FRMD5: variants seen among roughly 807,000 people sequenced by gnomAD.
The protein encoded by FRMD5 is FERM domain containing 5, also known as FERM domain-containing protein 5.
A neutral mutation model predicts 69.0 loss-of-function variants in FRMD5; 20 were observed. The observed-to-expected ratio is 0.29, with a 90% CI of 0.20 to 0.42. The LOEUF (loss-of-function observed/expected upper bound fraction) is 0.42. Among genes scored for constraint, FRMD5 ranks in the 10% least tolerant of loss-of-function variants. The pLI, the probability that FRMD5 is intolerant of heterozygous loss-of-function variation, is 1.00. For synonymous variants in FRMD5, 271 were observed against 260.1 expected (o/e 1.04, Z -0.40); for missense variants, 595 against 708.6 (o/e 0.84, Z 1.82).
At chr15:44,188,644 C>T (rs553112811) in intron 1 of FRMD5, among the ~76,000 whole-genome samples, 1 of 152,310 alleles carries the variant, frequency 6.6e-6, no homozygotes, top group East Asian at 1.9e-4. Context: ...TTGAGAACCA[C>T]TGCTTTATCC....
Position 43,872,873 on chromosome 15 carries a change from G to A in FRMD5, c.*1012C>T, listed in dbSNP as rs942110447. 2.0e-5 allele frequency: 6 copies of A among 307,428 alleles called. No individual in the cohort carries two copies. Among genetic ancestry groups the A allele is most frequent in the Middle Eastern group, 8.7e-4 (1 of 1,146 alleles). The allele number at this position is 307,428 out of a possible 1,614,324, so 19.0% of individuals were successfully genotyped here. ...TGAATTGTTAAGAAAATAACATTTCGTTGTTAAAATATAAATTGAAATAGT... is the reference window on the plus strand; with the variant it reads ...TGAATTGTTAAGAAAATAACATTTCATTGTTAAAATATAAATTGAAATAGT... On this transcript the variant is annotated 3_prime_UTR_variant, in exon 14 of 14. Transcript: ENST00000417257.
At chr15:44,015,007 C>T (rs1395074599) in intron 1 of FRMD5, among the ~76,000 whole-genome samples, 14 of 152,086 alleles carry the variant, frequency 9.2e-5, no homozygotes, top group Non-Finnish European at 1.3e-4. Context: ...GTACTATCTT[C>T]AATCATATGT....
chr15:43,887,169 T>C (rs1025472596), intron 10 of FRMD5, among the ~76,000 whole-genome samples: 2 of 152,162 alleles, frequency 1.3e-5, no homozygotes, highest in East Asian at 1.9e-4. Flanking sequence ...AGCTTCCACA[T>C]ATGCCATTCC....
intron 1 of FRMD5, among the ~76,000 whole-genome samples, chr15:43,968,283 T>C (rs1566868802): frequency 6.6e-6 from 1 of 152,106 alleles, no homozygotes; most frequent in Admixed American, 6.5e-5. Flanking sequence ...CTAGGTGATA[T>C]TTTTAAGAAG....
chr15:43,931,765 A>T (rs1411181348), intron 1 of FRMD5, among the ~76,000 whole-genome samples: 5 of 152,158 alleles, frequency 3.3e-5, no homozygotes, highest in Non-Finnish European at 5.9e-5. Context: ...CAGTGCCAAC[A>T]TATGTGATGG....
chr15:44,066,550 G>A (rs1893319067), intron 1 of FRMD5, among the ~76,000 whole-genome samples: 1 of 152,154 alleles, frequency 6.6e-6, no homozygotes, highest in Non-Finnish European at 1.5e-5. Flanking sequence ...TAGTGGCAAG[G>A]GGGTGTTCAC....
At chr15:43,898,848 C>G (rs748691992) in intron 7 of FRMD5, among the ~76,000 whole-genome samples, 4 of 152,174 alleles carry the variant, frequency 2.6e-5, no homozygotes, top group Non-Finnish European at 5.9e-5. Flanking sequence ...TGGGTATTAG[C>G]TAATAGAGCT....
intron 1 of FRMD5, among the ~76,000 whole-genome samples, chr15:44,091,223 C>T (rs867803435): frequency 1.3e-5 from 2 of 152,116 alleles, no homozygotes; most frequent in African/African-American, 4.8e-5. Flanking sequence ...TTACAGTATA[C>T]CTGACTGGTG....
intron 1 of FRMD5, among the ~76,000 whole-genome samples, chr15:43,961,617 AC>A (rs1388056717): frequency 6.6e-6 from 1 of 152,202 alleles, no homozygotes; most frequent in Non-Finnish European, 1.5e-5. Context: ...AGAATTTTAG[AC>A]CAATAATCTT....
chr15:44,099,900 G>A (rs747327497), intron 1 of FRMD5, among the ~76,000 whole-genome samples: 3 of 152,036 alleles, frequency 2.0e-5, no homozygotes, highest in Non-Finnish European at 2.9e-5. Flanking sequence ...GAACTATTCT[G>A]ATTAAGCAAT....
At chr15:44,056,591 A>G (rs758365121) in intron 1 of FRMD5, among the ~76,000 whole-genome samples, 2 of 152,204 alleles carry the variant, frequency 1.3e-5, no homozygotes, top group African/African-American at 2.4e-5. Context: ...ATGTTTCAAT[A>G]GTCTAAAGAG....
chr15:43,935,452 T>G (rs1356004963), intron 1 of FRMD5, among the ~76,000 whole-genome samples: 2 of 152,134 alleles, frequency 1.3e-5, no homozygotes, highest in Non-Finnish European at 2.9e-5. Flanking sequence ...CCATTGCAAC[T>G]CCAGCCCGGG....
At chr15:44,175,419 C>T in intron 1 of FRMD5, among the ~76,000 whole-genome samples, 1 of 152,146 alleles carries the variant, frequency 6.6e-6, no homozygotes, top group Non-Finnish European at 1.5e-5. Flanking sequence ...TGAAATATCA[C>T]TATATACCTA....
chr15:44,013,598 A>C (rs987219058), intron 1 of FRMD5, among the ~76,000 whole-genome samples: 12 of 152,218 alleles, frequency 7.9e-5, no homozygotes, highest in African/African-American at 2.9e-4. Context: ...CAAACTATTA[A>C]TATAAAAATG....
intron 1 of FRMD5, among the ~76,000 whole-genome samples, chr15:44,022,419 C>A (rs191090169): frequency 2.0e-5 from 3 of 149,594 alleles, no homozygotes; most frequent in African/African-American, 7.4e-5. Context: ...AAAAAACATA[C>A]GAAAATTAGT....
At chr15:44,134,518 A>G (rs1813196) in intron 1 of FRMD5, among the ~76,000 whole-genome samples, 136,202 of 152,100 alleles carry the variant, frequency 0.9, 61,441 homozygotes, top group East Asian at 1. Context: ...GCATGATCTC[A>G]GCTCACTGCA....
chr15:43,964,865 T>C (rs1033305600), intron 1 of FRMD5, among the ~76,000 whole-genome samples: 1 of 152,208 alleles, frequency 6.6e-6, no homozygotes, highest in Admixed American at 6.5e-5. Context: ...CAATGACTTA[T>C]AGCCCACAGT....
chr15:43,989,850 G>C (rs1889585475), intron 1 of FRMD5: 1 of 1,021,328 alleles, frequency 9.8e-7, no homozygotes, highest in Non-Finnish European at 1.5e-6. Context: ...TGGCCTTGGG[G>C]CTCAGGGGGA....
intron 1 of FRMD5, among the ~76,000 whole-genome samples, chr15:44,021,663 G>A (rs752172799): frequency 1.3e-5 from 2 of 152,156 alleles, no homozygotes; most frequent in Non-Finnish European, 2.9e-5. Context: ...AATAACAAAT[G>A]TTGCTGAAGA....
Sources: gnomAD v4.1 joint callset for allele counts (sites outside exome capture counted in the v4.1 genomes callset) on GRCh38, gnomAD v4.1.1 for gene constraint, MANE v1.5 for transcripts, NCBI Gene and HGNC (gene_info 2026-07-23, HGNC 2026-07-21) for gene names.